The following RNF220 variants were observed in gnomAD, a reference collection of about 807,000 sequenced individuals.
RNF220 encodes the protein E3 ubiquitin-protein ligase RNF220.
Under a neutral mutation model 67.1 loss-of-function variants are expected in RNF220, and 7 were observed. The ratio of observed to expected loss-of-function variants is 0.10; its 90% confidence interval spans 0.06 to 0.20. The LOEUF (loss-of-function observed/expected upper bound fraction) is 0.20, where lower values mean the gene tolerates loss of function less well. Among genes scored for constraint, RNF220 ranks in the 10% least tolerant of loss-of-function variants. RNF220 has a pLI of 1.00. For missense variants in RNF220, 565 were observed against 740.3 expected (o/e 0.76, Z 2.75); for synonymous variants, 270 against 283.2 (o/e 0.95, Z 0.47).
At chr1:44,633,610 C>T (rs973350634) in intron 6 of RNF220, among the ~76,000 whole-genome samples, 1 of 152,200 alleles carries the variant, frequency 6.6e-6, no homozygotes, top group Non-Finnish European at 1.5e-5. Flanking sequence ...ATCTGCTGGC[C>T]TGTGTGTCCT....
At chr1:44,528,491 G>C (rs1422369752) in intron 2 of RNF220, among the ~76,000 whole-genome samples, 3 of 151,836 alleles carry the variant, frequency 2.0e-5, no homozygotes, top group African/African-American at 7.3e-5. Flanking sequence ...TAGTAGAGAT[G>C]GGGTTTCACC....
At chr1:44,458,355 CT>C (rs1653413442) in intron 2 of RNF220, among the ~76,000 whole-genome samples, 2 of 130,918 alleles carry the variant, frequency 1.5e-5, no homozygotes, top group East Asian at 4.5e-4. Flanking sequence ...TTTTTTTTTA[CT>C]AATATCATAA....
At chr1:44,421,974 A>G (rs1649272228) in intron 2 of RNF220, among the ~76,000 whole-genome samples, 1 of 151,908 alleles carries the variant, frequency 6.6e-6, no homozygotes. Context: ...GTCTCTATCA[A>G]CTCCTTCATG....
At chr1:44,421,674 C>T (rs1462831759) in intron 2 of RNF220, among the ~76,000 whole-genome samples, 3 of 151,918 alleles carry the variant, frequency 2.0e-5, no homozygotes, top group Non-Finnish European at 2.9e-5. Context: ...TGTGCATTCT[C>T]CTAGGAGTAA....
Position 44,645,106 on chromosome 1 carries a change from G to A in RNF220, c.1310+25G>A, listed in dbSNP as rs372664886. ...AGCAAGTGTGGGCACAGGCTTGGGC[G>A]GGTGGAGCAGAGAAACAGGAAGCCC... is the stretch of plus-strand genomic sequence containing the variant. On this transcript the variant is annotated intron_variant, in intron 10 of 14. Transcript: ENST00000361799. The surrounding 1 kb of genome is among the most constrained non-coding windows in gnomAD (Gnocchi z 5.0). 4.3e-5 allele frequency: 70 copies of A among 1,613,534 alleles called. No homozygotes were observed. The highest frequency in any genetic ancestry group is 1.1e-4 in the African/African-American group (8 of 74,888).
intron 2 of RNF220, among the ~76,000 whole-genome samples, chr1:44,513,440 T>C (rs930597907): frequency 1.3e-5 from 2 of 152,084 alleles, no homozygotes; most frequent in South Asian, 4.1e-4. Flanking sequence ...TTCACTCTCT[T>C]CTTTTCAGAG....
At chr1:44,514,894 T>A (rs1302481575) in intron 2 of RNF220, among the ~76,000 whole-genome samples, 2 of 152,110 alleles carry the variant, frequency 1.3e-5, no homozygotes, top group Non-Finnish European at 2.9e-5. Context: ...ATGCAAAGAT[T>A]GGCACGTCCA....
chr1:44,491,075 A>G (rs1329932184), intron 2 of RNF220, among the ~76,000 whole-genome samples: 1 of 152,212 alleles, frequency 6.6e-6, no homozygotes, highest in Non-Finnish European at 1.5e-5. Flanking sequence ...AATTAAGGAA[A>G]TTGAATTGCT....
chr1:44,452,503 G>A (rs1434362820), intron 2 of RNF220, among the ~76,000 whole-genome samples: 4 of 152,120 alleles, frequency 2.6e-5, no homozygotes, highest in Non-Finnish European at 2.9e-5. Flanking sequence ...GCAGTCAGCC[G>A]AGATCGCGCC....
chr1:44,449,007 C>T (rs1274434930), intron 2 of RNF220, among the ~76,000 whole-genome samples: 1 of 152,254 alleles, frequency 6.6e-6, no homozygotes, highest in Non-Finnish European at 1.5e-5. Flanking sequence ...TAGCTACTCA[C>T]TGTACAACCA....
At chr1:44,616,135 A>T (rs1179601120) in intron 3 of RNF220, among the ~76,000 whole-genome samples, 1 of 152,150 alleles carries the variant, frequency 6.6e-6, no homozygotes, top group Admixed American at 6.5e-5. Flanking sequence ...CCAAGAGAAG[A>T]CTAAGGAGGG....
intron 8 of RNF220, among the ~76,000 whole-genome samples, chr1:44,639,722 G>A (rs1319256415): frequency 4.6e-5 from 7 of 152,234 alleles, no homozygotes; most frequent in Non-Finnish European, 1.0e-4. Context: ...GAGAAGTCAT[G>A]AAGCAAACAG....
At chr1:44,415,542 T>C (rs985757901) in intron 2 of RNF220, among the ~76,000 whole-genome samples, 2 of 152,228 alleles carry the variant, frequency 1.3e-5, no homozygotes, top group African/African-American at 2.4e-5. Context: ...TATGTATATA[T>C]ATTTATTCTT....
At chr1:44,519,922 G>A (rs371022432) in intron 2 of RNF220, among the ~76,000 whole-genome samples, 2 of 152,078 alleles carry the variant, frequency 1.3e-5, no homozygotes, top group Admixed American at 1.3e-4. Context: ...TGGGAGGGTG[G>A]TGGTGATGAC....
At chr1:44,579,870 A>C (rs1315611134) in intron 2 of RNF220, among the ~76,000 whole-genome samples, 1 of 151,808 alleles carries the variant, frequency 6.6e-6, no homozygotes, top group Non-Finnish European at 1.5e-5. Flanking sequence ...CTCTATAAAA[A>C]ATACCAAAAA....
rs1644766158 is a variant in RNF220 at position 44,650,601 on chromosome 1, T to TGGTG, written c.1630-103_1630-102insGGTG. The TGGTG allele has an allele frequency of 7.7e-7, 1 of 1,297,596 alleles. No homozygotes were observed. Among genetic ancestry groups the TGGTG allele is most frequent in the African/African-American group, 1.5e-5 (1 of 68,766 alleles). 80.4% of individuals were successfully genotyped at this position (1,297,596 alleles called of 1,614,324 possible). A position where few individuals can be genotyped will look rare whatever the true frequency, so the allele number is the denominator to read the frequency against. ...AGCCTGGGCTGACAGGACCAAGGTC[T>TGGTG]CAGCACACACTGGTGCAGAGAGACA... On this transcript the variant is annotated intron_variant, in intron 14 of 14. Transcript: ENST00000361799. The surrounding 1 kb of genome is among the most constrained non-coding windows in gnomAD (Gnocchi z 4.3).
At chr1:44,434,609 C>G (rs1329667689) in intron 2 of RNF220, among the ~76,000 whole-genome samples, 1 of 151,302 alleles carries the variant, frequency 6.6e-6, no homozygotes, top group South Asian at 2.1e-4. Flanking sequence ...CCTAGCTACT[C>G]GGGAGGCTGA....
intron 2 of RNF220, among the ~76,000 whole-genome samples, chr1:44,458,459 C>T (rs1653424646): frequency 6.6e-6 from 1 of 151,724 alleles, no homozygotes; most frequent in African/African-American, 2.4e-5. Context: ...CTTTTTGTGC[C>T]TCAGTTTCCT....
chr1:44,513,839 C>G (rs1311449470), intron 2 of RNF220, among the ~76,000 whole-genome samples: 1 of 152,148 alleles, frequency 6.6e-6, no homozygotes, highest in Non-Finnish European at 1.5e-5. Context: ...CAGCTGTCTC[C>G]CCAGGTATAT....
Sources: allele counts gnomAD v4.1 joint callset (sites outside exome capture counted in the v4.1 genomes callset), GRCh38; gene constraint gnomAD v4.1.1; non-coding constraint Gnocchi (gnomAD v3.1); transcripts MANE v1.5; gene names NCBI Gene and HGNC (gene_info 2026-07-23, HGNC 2026-07-21).